ARID2: variants seen among roughly 807,000 people sequenced by gnomAD.
ARID2 encodes AT-rich interactive domain-containing protein 2.
Under a neutral mutation model 184.6 loss-of-function variants are expected in ARID2, and 32 were observed. The observed-to-expected ratio is 0.17, with a 90% confidence interval of 0.13 to 0.23. The LOEUF is 0.23. Ranked by LOEUF, ARID2 falls within the 10% of genes least tolerant of loss-of-function variation. ARID2 has a pLI of 1.00. For synonymous variants in ARID2, 836 were observed against 772.6 expected, an observed-to-expected ratio of 1.08 and a Z score of -1.36; for missense variants, 1,696 against 2,197.6, an observed-to-expected ratio of 0.77 and a Z score of 4.56.
chr12:45,835,817 T>G (rs1943210373), intron 6 of ARID2, among the ~76,000 whole-genome samples: 1 of 152,040 alleles, frequency 6.6e-6, no homozygotes, highest in African/African-American at 2.4e-5. Context: ...GGGGAATCAC[T>G]TGAACCCGGG....
intron 16 of ARID2, among the ~76,000 whole-genome samples, chr12:45,873,454 T>TG (rs1943957530): frequency 6.6e-6 from 1 of 152,258 alleles, no homozygotes; most frequent in Admixed American, 6.5e-5. Context: ...CTTTTTATGT[T>TG]GCCATTTTCT....
chr12:45,863,304 C>T (rs1201273068), intron 16 of ARID2, among the ~76,000 whole-genome samples: 1 of 152,138 alleles, frequency 6.6e-6, no homozygotes, highest in Admixed American at 6.6e-5. Context: ...AGCATAACGA[C>T]ATGAAAAGAG....
At chr12:45,811,975 A>G (rs542523345) in intron 4 of ARID2, among the ~76,000 whole-genome samples, 2 of 152,194 alleles carry the variant, frequency 1.3e-5, no homozygotes, top group East Asian at 3.9e-4. Context: ...TTTTCCTGCC[A>G]TGGTAGCAGG....
chr12:45,821,792 T>TA (rs1355891735), intron 6 of ARID2, among the ~76,000 whole-genome samples: 1 of 152,168 alleles, frequency 6.6e-6, no homozygotes, highest in African/African-American at 2.4e-5. Context: ...TTTTCGTTTT[T>TA]ATGTGTGTTC....
chr12:45,906,641 T>A lies in ARID2; in HGVS notation c.*1563T>A, dbSNP rs1026018849. 8 of 232,124 alleles carry A rather than the reference T, an allele frequency of 3.4e-5. No homozygotes were observed. Among genetic ancestry groups the A allele is most frequent in the Non-Finnish European group, 6.8e-5 (8 of 117,504 alleles). The allele number at this position is 232,124 out of a possible 1,614,324, so 14.4% of individuals were successfully genotyped here. ...AAGGTATAACGGTCACCTACCTATTTGATTATATGTTGATTGATAACATAT... is the reference window on the plus strand; with the variant it reads ...AAGGTATAACGGTCACCTACCTATTAGATTATATGTTGATTGATAACATAT... On this transcript the variant is annotated 3_prime_UTR_variant, in exon 21 of 21. Transcript: ENST00000334344.
intron 3 of ARID2, among the ~76,000 whole-genome samples, chr12:45,750,665 T>C (rs1422529498): frequency 6.6e-6 from 1 of 152,234 alleles, no homozygotes; most frequent in Non-Finnish European, 1.5e-5. Context: ...TGGATACGAT[T>C]AATACAAATG....
chr12:45,743,169 T>C (rs1280300225), intron 3 of ARID2, among the ~76,000 whole-genome samples: 1 of 150,988 alleles, frequency 6.6e-6, no homozygotes. Flanking sequence ...CTGGCCGAGA[T>C]AGTGAAACCC....
At chr12:45,810,756 C>G (rs142206019) in intron 3 of ARID2, among the ~76,000 whole-genome samples, 332 of 152,182 alleles carry the variant, frequency 2.2e-3, no homozygotes, top group African/African-American at 7.3e-3. Flanking sequence ...ACAGAATCTT[C>G]TAATTTTCAT....
At chr12:45,731,885 GTAATTTAAATTAGA>G (rs1941010390) in intron 3 of ARID2, among the ~76,000 whole-genome samples, 1 of 152,022 alleles carries the variant, frequency 6.6e-6, no homozygotes, top group South Asian at 2.1e-4. Context: ...ACTTAAATTA[GTAATTTAAATTAGA>G]TAATTTAAAT....
At chr12:45,903,571 A>G (rs1370853632) in intron 20 of ARID2, among the ~76,000 whole-genome samples, 1 of 152,208 alleles carries the variant, frequency 6.6e-6, no homozygotes, top group East Asian at 1.9e-4. Flanking sequence ...TAAAACTGAA[A>G]TGGCCCAAAA....
In ARID2 at chr12:45,729,830, A is replaced by G. The variant is rs757809348; in HGVS notation, c.-7A>G. On this transcript the variant is annotated 5_prime_UTR_variant, in exon 1 of 21. Coordinates refer to ENST00000334344, the MANE Select transcript of ARID2 (RefSeq NM_152641.4). ...TGGGTTTTTTAAAAACCTCCTTTGA[A>G]AAAATAATGGCAAACTCGACGGGGA... 1.3e-5 allele frequency: 21 copies of G among 1,606,348 alleles called. No homozygotes were observed. The highest frequency in any genetic ancestry group is 1.8e-5 in the Non-Finnish European group (21 of 1,176,926).
intron 16 of ARID2, among the ~76,000 whole-genome samples, chr12:45,891,084 G>A (rs909712306): frequency 1.3e-5 from 2 of 151,476 alleles, no homozygotes; most frequent in African/African-American, 4.9e-5. Context: ...AGAAGCACTT[G>A]AACCCAGGAG....
chr12:45,786,326 A>G (rs1942196064), intron 3 of ARID2, among the ~76,000 whole-genome samples: 1 of 152,228 alleles, frequency 6.6e-6, no homozygotes, highest in African/African-American at 2.4e-5. Context: ...CCTTATAAGT[A>G]TGGTGACTAG....
chr12:45,907,458 T>C lies in ARID2; in HGVS notation c.*2380T>C, dbSNP rs908189592. On this transcript the variant is annotated 3_prime_UTR_variant, in exon 21 of 21. Transcript: ENST00000334344. The stretch of plus-strand genomic sequence containing the variant: ...TGTAGTTCTAGCTTTTCTGCTATAA[T>C]ATGTAAATATGACTGTAGCCTTTTA... The C allele has an allele frequency of 4.3e-6, 1 of 233,250 alleles. No homozygotes were observed. The highest frequency in any genetic ancestry group is 1.8e-4 in the South Asian group (1 of 5,522). 14.4% of individuals were successfully genotyped at this position (233,250 alleles called of 1,614,324 possible).
Position 45,905,548 on chromosome 12 carries a change from AC to A in ARID2, c.*475del, listed in dbSNP as rs1434834924. Reference sequence around the variant, plus strand: ...TTTAAAAAAGTTTCAGCACACCTATACCCCCGATCTCAGAGGGGGCCACCAA... The same window carrying A: ...TTTAAAAAAGTTTCAGCACACCTATACCCCGATCTCAGAGGGGGCCACCAA... On this transcript the variant is annotated 3_prime_UTR_variant, in exon 21 of 21. Transcript: ENST00000334344. The A allele has an allele frequency of 1.7e-5, 4 of 233,208 alleles. No homozygotes were observed. Among genetic ancestry groups the A allele is most frequent in the African/African-American group, 2.2e-5 (1 of 45,300 alleles). The allele number at this position is 233,208 out of a possible 1,614,324, so 14.4% of individuals were successfully genotyped here.
At chr12:45,794,490 A>G (rs1167932876) in intron 3 of ARID2, among the ~76,000 whole-genome samples, 4 of 152,242 alleles carry the variant, frequency 2.6e-5, no homozygotes, top group Non-Finnish European at 4.4e-5. Context: ...AGGTAAGTGT[A>G]TAATTTGCTG....
At chr12:45,771,738 C>T (rs927122064) in intron 3 of ARID2, among the ~76,000 whole-genome samples, 9 of 151,392 alleles carry the variant, frequency 5.9e-5, no homozygotes, top group African/African-American at 2.2e-4. Flanking sequence ...CATTAAAATG[C>T]AATATATTTG....
intron 3 of ARID2, among the ~76,000 whole-genome samples, chr12:45,780,480 C>T (rs772513484): frequency 2.6e-5 from 4 of 151,782 alleles, no homozygotes; most frequent in Non-Finnish European, 4.4e-5. Context: ...AATAAAGCAT[C>T]TGATTTTTAT....
intron 6 of ARID2, among the ~76,000 whole-genome samples, chr12:45,828,899 CTT>C (rs1003001776): frequency 1.3e-5 from 2 of 151,750 alleles, no homozygotes; most frequent in Admixed American, 6.6e-5. Flanking sequence ...TGAATGGTGT[CTT>C]TTGATGAACT....
Sources: gnomAD v4.1 joint callset for allele counts (sites outside exome capture counted in the v4.1 genomes callset) on GRCh38, gnomAD v4.1.1 for gene constraint, MANE v1.5 for transcripts, NCBI Gene and HGNC (gene_info 2026-07-23, HGNC 2026-07-21) for gene names.